FAM240A: variants seen among roughly 807,000 people sequenced by gnomAD.
FAM240A encodes family with sequence similarity 240 member A, also known as protein FAM240A.
FAM240A carries 8 observed loss-of-function variants against 7.3 expected under a neutral mutation model. The ratio of observed to expected loss-of-function variants is 1.09; its 90% confidence interval spans 0.64 to 1.97. The LOEUF is 1.97. Among genes scored for constraint, FAM240A ranks in the 30% most tolerant of loss-of-function variants. The pLI is 0.00. For missense variants in FAM240A, 90 were observed against 102.2 expected (o/e 0.88, Z 0.52); for synonymous variants, 32 against 35.9 (o/e 0.89, Z 0.38).
intron 2 of FAM240A, among the ~76,000 whole-genome samples, chr3:46,624,632 G>A (rs1016148355): frequency 4.6e-5 from 7 of 152,046 alleles, no homozygotes; most frequent in African/African-American, 7.2e-5. Flanking sequence ...TAACCACATC[G>A]TTGCTTTTCA....
At chr3:46,623,639 T>C (rs1697722142) in intron 2 of FAM240A, among the ~76,000 whole-genome samples, 1 of 152,214 alleles carries the variant, frequency 6.6e-6, no homozygotes, top group Non-Finnish European at 1.5e-5. Flanking sequence ...AATGACCCTC[T>C]TTCTCTTTGG....
At chr3:46,614,219 C>T (rs758600320) in intron 1 of FAM240A, among the ~76,000 whole-genome samples, 1 of 152,096 alleles carries the variant, frequency 6.6e-6, no homozygotes, top group African/African-American at 2.4e-5. Context: ...CCACTGCACC[C>T]GGCCTAAATA....
At chr3:46,617,995 T>C (rs1697650179) in intron 2 of FAM240A, among the ~76,000 whole-genome samples, 1 of 152,190 alleles carries the variant, frequency 6.6e-6, no homozygotes. Flanking sequence ...AAAGCCATCA[T>C]GGGCTGCAGG....
rs1191347069 is a variant in FAM240A at position 46,625,122 on chromosome 3, T to C, written c.162-6T>C. 2 of 1,533,244 alleles carry C rather than the reference T, an allele frequency of 1.3e-6. No individual in the cohort carries two copies. Among genetic ancestry groups the C allele is most frequent in the Non-Finnish European group, 8.7e-7 (1 of 1,144,654 alleles). The allele number at this position is 1,533,244 out of a possible 1,614,324, so 95.0% of individuals were successfully genotyped here. On this transcript the variant is annotated splice_region_variant and splice_polypyrimidine_tract_variant and intron_variant, in intron 2 of 2. Transcript: ENST00000640551. ...CTCCATCTGTGTGTTTGGTTTCTATTTTCAGGCTCAGAGAAGAATGGAAGC... is the reference window on the plus strand; with the variant it reads ...CTCCATCTGTGTGTTTGGTTTCTATCTTCAGGCTCAGAGAAGAATGGAAGC...
At chr3:46,624,295 A>C (rs1697731934) in intron 2 of FAM240A, among the ~76,000 whole-genome samples, 1 of 114,026 alleles carries the variant, frequency 8.8e-6, no homozygotes, top group South Asian at 2.6e-4. Flanking sequence ...TTTTTGAGAC[A>C]GAGTCTTACT....
chr3:46,618,260 C>A (rs571911809), intron 2 of FAM240A, among the ~76,000 whole-genome samples: 91 of 152,350 alleles, frequency 6.0e-4, no homozygotes, highest in African/African-American at 2.1e-3. Context: ...CCTGCTCAGC[C>A]TTATTCCCGA....
intron 1 of FAM240A, among the ~76,000 whole-genome samples, chr3:46,616,391 G>C (rs1367010741): frequency 1.3e-5 from 2 of 152,072 alleles, no homozygotes; most frequent in Non-Finnish European, 2.9e-5. Flanking sequence ...TTGGTTACAT[G>C]GATAAGTTGT....
chr3:46,618,918 C>T (rs1697665309), intron 2 of FAM240A, among the ~76,000 whole-genome samples: 1 of 115,968 alleles, frequency 8.6e-6, no homozygotes. Context: ...CACACACACA[C>T]ATATGCAGTA....
chr3:46,613,491 C>A lies in FAM240A; in HGVS notation c.15+793C>A, dbSNP rs111509185. 2.4e-3 allele frequency among the ~76,000 whole-genome samples: 327 copies of A among 137,910 alleles called. 1 individual carries two copies. The highest frequency in any genetic ancestry group is 8.3e-3 in the African/African-American group (306 of 36,806). The allele number at this position is 137,910 out of a possible 152,430, so 90.5% of individuals were successfully genotyped here. On this transcript the variant is annotated intron_variant, in intron 1 of 2. Transcript: ENST00000640551. The stretch of plus-strand genomic sequence containing the variant: ...CCTGGGTGACAGAGTGAAACTCCTT[C>A]TAAATAAATAAATAAATAAATAAAT...
intron 2 of FAM240A, among the ~76,000 whole-genome samples, chr3:46,620,417 A>G (rs921065997): frequency 9.3e-5 from 11 of 117,948 alleles, no homozygotes; most frequent in East Asian, 8.8e-4. Flanking sequence ...GATCATTAAT[A>G]TCTGCTAACA....
rs527655275 is a variant in FAM240A, at chr3:46,623,720, C to T, written c.162-1408C>T. 6.4e-4 allele frequency among the ~76,000 whole-genome samples: 97 copies of T among 152,138 alleles called. 1 individual carries two copies. The highest frequency in any genetic ancestry group is 1.2e-3 in the Non-Finnish European group (80 of 68,004). The stretch of plus-strand genomic sequence containing the variant: ...ACCAGCCTTCTTTGATTAGGTTTAG[C>T]ATGGACTATCTCTTCGTCCTTTTAC... On this transcript the variant is annotated intron_variant, in intron 2 of 2. Transcript: ENST00000640551.
At chr3:46,619,113 C>T (rs1697668576) in intron 2 of FAM240A, among the ~76,000 whole-genome samples, 1 of 152,032 alleles carries the variant, frequency 6.6e-6, no homozygotes, top group African/African-American at 2.4e-5. Context: ...TGTTAGTTCC[C>T]CTCCCTCTTC....
At chr3:46,623,296 G>T (rs575293592) in intron 2 of FAM240A, among the ~76,000 whole-genome samples, 3 of 152,160 alleles carry the variant, frequency 2.0e-5, no homozygotes, top group African/African-American at 7.2e-5. Context: ...TACATTTATT[G>T]AGACTTGTTT....
In FAM240A at chr3:46,626,145, G is replaced by A. The variant is rs1697759334; in HGVS notation, c.*927G>A. On this transcript the variant is annotated 3_prime_UTR_variant, in exon 3 of 3. Transcript: ENST00000640551. ...TGCTGGCTGTAAGCAGCACCTGCAAGGCCTTATATACTATACACAGAGGCA... is the reference window on the plus strand; with the variant it reads ...TGCTGGCTGTAAGCAGCACCTGCAAAGCCTTATATACTATACACAGAGGCA... 8.8e-6 allele frequency: 1 copy of A among 113,670 alleles called. No homozygotes were observed. Among genetic ancestry groups the A allele is most frequent in the Non-Finnish European group, 1.8e-5 (1 of 55,436 alleles). 7.0% of individuals were successfully genotyped at this position (113,670 alleles called of 1,614,324 possible). A position where few individuals can be genotyped will look rare whatever the true frequency, so the allele number is the denominator to read the frequency against.
chr3:46,614,922 C>G (rs548082122), intron 1 of FAM240A, among the ~76,000 whole-genome samples: 24 of 152,218 alleles, frequency 1.6e-4, no homozygotes, highest in African/African-American at 5.1e-4. Context: ...CTAATGAATC[C>G]CTATGCCAGA....
In FAM240A at chr3:46,626,170, A is replaced by C. The variant is rs1424067679; in HGVS notation, c.*952A>C. ...GGCCTTATATACTATACACAGAGGC[A>C]CTGTATGGCAGACGCACCTGACAGC... On this transcript the variant is annotated 3_prime_UTR_variant, in exon 3 of 3. Transcript: ENST00000640551. 1 of 4,616 alleles carries C rather than the reference A, an allele frequency of 2.2e-4. No homozygotes were observed. Among genetic ancestry groups the C allele is most frequent in the Non-Finnish European group, 0.011 (1 of 90 alleles). The allele number at this position is 4,616 out of a possible 1,614,324, so 0.3% of individuals were successfully genotyped here. A position where few individuals can be genotyped will look rare whatever the true frequency, so the allele number is the denominator to read the frequency against.
intron 2 of FAM240A, among the ~76,000 whole-genome samples, chr3:46,617,604 GTAAT>G (rs1406298056): frequency 6.6e-6 from 1 of 152,106 alleles, no homozygotes; most frequent in Non-Finnish European, 1.5e-5. Flanking sequence ...CTTAGAGGAG[GTAAT>G]TATTTTAATT....
chr3:46,619,960 A>G (rs1697676433), intron 2 of FAM240A, among the ~76,000 whole-genome samples: 1 of 152,324 alleles, frequency 6.6e-6, no homozygotes, highest in Admixed American at 6.5e-5. Context: ...GAAGTGCTCA[A>G]GAAAAGCATG....
At position 46,625,851 on chromosome 3, in the gene FAM240A, C is replaced by T. The variant is rs955657904; in HGVS notation, c.*633C>T. On this transcript the variant is annotated 3_prime_UTR_variant, in exon 3 of 3. Transcript: ENST00000640551. ...TTGTCCTGTCATCACTATGCACATG[C>T]CTTCATTTTATTGCTTTATTTTAAT... 3.3e-5 allele frequency: 5 copies of T among 152,086 alleles called. No individual in the cohort carries two copies. Among genetic ancestry groups the T allele is most frequent in the South Asian group, 4.1e-4 (2 of 4,820 alleles). 9.4% of individuals were successfully genotyped at this position (152,086 alleles called of 1,614,324 possible). A position where few individuals can be genotyped will look rare whatever the true frequency, so the allele number is the denominator to read the frequency against.
Sources: allele counts gnomAD v4.1 joint callset (sites outside exome capture counted in the v4.1 genomes callset), GRCh38; gene constraint gnomAD v4.1.1; transcripts MANE v1.5; gene names NCBI Gene and HGNC (gene_info 2026-07-23, HGNC 2026-07-21).